SLC6A15: variants seen among roughly 807,000 people sequenced by gnomAD.
SLC6A15 encodes the protein sodium-dependent neutral amino acid transporter B(0)AT2.
In SLC6A15, 33 loss-of-function variants were observed where a neutral mutation model predicts 68.5. That is an observed-to-expected ratio of 0.48 (90% CI 0.37 to 0.64). SLC6A15 has a LOEUF of 0.64. Among genes scored for constraint, SLC6A15 ranks in the 30% least tolerant of loss-of-function variants. SLC6A15 has a pLI of 0.00. For missense variants in SLC6A15, 747 were observed against 874.3 expected (o/e 0.85, Z 1.84); for synonymous variants, 347 against 301.0 (o/e 1.15, Z -1.58).
At chr12:84,877,464 C>G (rs995546763) in intron 5 of SLC6A15, among the ~76,000 whole-genome samples, 3 of 152,116 alleles carry the variant, frequency 2.0e-5, no homozygotes, top group Non-Finnish European at 4.4e-5. Context: ...CTGATTCCAC[C>G]CTCTGGCCTG....
chr12:84,863,935 G>A (rs1870959669), intron 10 of SLC6A15, among the ~76,000 whole-genome samples: 1 of 150,958 alleles, frequency 6.6e-6, no homozygotes, highest in African/African-American at 2.4e-5. Context: ...GAATTATTTA[G>A]AAATTATTTC....
At chr12:84,887,664 A>C (rs11833788) in intron 2 of SLC6A15, among the ~76,000 whole-genome samples, 6,189 of 152,264 alleles carry the variant, frequency 0.041, 404 homozygotes, top group African/African-American at 0.14. Flanking sequence ...ATCTGCATCA[A>C]ATCTTAGATT....
intron 9 of SLC6A15, among the ~76,000 whole-genome samples, chr12:84,869,401 G>A (rs1245610865): frequency 6.9e-6 from 1 of 145,056 alleles, no homozygotes; most frequent in Non-Finnish European, 1.5e-5. Context: ...GGCGGAGCTT[G>A]CAGTGAGCTG....
At chr12:84,887,516 T>G (rs1257443334) in intron 2 of SLC6A15, among the ~76,000 whole-genome samples, 2 of 152,182 alleles carry the variant, frequency 1.3e-5, no homozygotes, top group African/African-American at 4.8e-5. Flanking sequence ...TCTTAGTTGA[T>G]TCTAACAAAA....
Position 84,861,699 on chromosome 12 carries a change from T to C in SLC6A15, c.2126A>G (p.Asn709Ser), listed in dbSNP as rs774422514. The change falls in exon 12 of 12, where the codon AAT becomes AGT. Residue 709 changes from asparagine to serine, a missense_variant. Asn to Ser is a conservative substitution (Grantham distance 46). Coordinates refer to ENST00000266682, the MANE Select transcript of SLC6A15 (RefSeq NM_182767.6). ...SGSPTLDTAP[N>S]GRYGIGYLMA... ...CAAGTACCCTATTCCATACCGTCCA[T>C]TGGGAGCAGTATCCAGAGTTGGGGA... 3.8e-5 allele frequency: 62 copies of C among 1,613,820 alleles called. No individual in the cohort carries two copies. The highest frequency in any genetic ancestry group is 4.8e-5 in the Non-Finnish European group (57 of 1,179,880).
chr12:84,901,282 T>C (rs957414963), intron 1 of SLC6A15, among the ~76,000 whole-genome samples: 1 of 151,700 alleles, frequency 6.6e-6, no homozygotes, highest in African/African-American at 2.4e-5. Flanking sequence ...TTCAATTCAT[T>C]TCATTGATAT....
chr12:84,902,338 T>A (rs1872922881), intron 1 of SLC6A15, among the ~76,000 whole-genome samples: 2 of 151,972 alleles, frequency 1.3e-5, no homozygotes, highest in Non-Finnish European at 2.9e-5. Flanking sequence ...CTAAACTTTG[T>A]TTTTTAAATT....
intron 7 of SLC6A15, 135 bp downstream of exon 7, chr12:84,872,952 A>G: frequency 7.9e-7 from 1 of 1,258,898 alleles, no homozygotes; most frequent in Non-Finnish European, 1.1e-6. Context: ...CCCAGATTTG[A>G]CCATTATACA....
At chr12:84,863,340 A>G (rs546974855) in intron 11 of SLC6A15, 99 bp downstream of exon 11, 2 of 854,044 alleles carry the variant, frequency 2.3e-6, no homozygotes, top group Non-Finnish European at 3.6e-6. Context: ...GCCATTCATT[A>G]AACAGCAAAA....
intron 5 of SLC6A15, chr12:84,881,604 TATGTATATGC>T (rs1438796982): frequency 1.0e-6 from 1 of 985,252 alleles, no homozygotes; most frequent in Non-Finnish European, 1.2e-6. Flanking sequence ...TTTTGGGGTA[TATGTATATGC>T]ATGTATGACT....
chr12:84,893,127 T>C (rs1013764330), intron 1 of SLC6A15, among the ~76,000 whole-genome samples: 9 of 152,164 alleles, frequency 5.9e-5, no homozygotes, highest in African/African-American at 2.2e-4. Context: ...CTTTATGGGA[T>C]ACAATAATCA....
chr12:84,881,578 C>T (rs1412617526), intron 5 of SLC6A15: 4 of 985,278 alleles, frequency 4.1e-6, no homozygotes, highest in Admixed American at 6.2e-5. Flanking sequence ...TTAATTCATG[C>T]AGTTTCCACT....
chr12:84,882,414 T>C, intron 5 of SLC6A15: 1 of 970,052 alleles, frequency 1.0e-6, no homozygotes, highest in African/African-American at 1.8e-5. Context: ...ACAAGTATAT[T>C]CACAAATTCA....
rs749977299 is a variant in SLC6A15 at position 84,885,524 on chromosome 12, A to G, written c.485T>C (p.Ile162Thr). Residue 162 changes from isoleucine (I) to threonine (T), a missense_variant, in exon 4 of 12, where the codon ATT (isoleucine) becomes ACT (threonine). Ile to Thr is a moderately conservative substitution (Grantham distance 89, BLOSUM62 -1). Coordinates refer to ENST00000266682, the MANE Select transcript of SLC6A15 (RefSeq NM_182767.6). Reference protein sequence around the residue: ...YFVALYYNVIIGWSLFYFSQS... With the variant: ...YFVALYYNVITGWSLFYFSQS... ...AGAAAAATAAAACAAACTCCAGCCA[A>G]TGATGACGTTGTAGTAGAGAGCTAC... 1.5e-5 allele frequency: 25 copies of G among 1,613,562 alleles called. No individual in the cohort carries two copies. Among genetic ancestry groups the G allele is most frequent in the Non-Finnish European group, 6.8e-6 (8 of 1,179,696 alleles).
intron 6 of SLC6A15, among the ~76,000 whole-genome samples, chr12:84,874,702 T>C (rs1013638728): frequency 1.3e-5 from 2 of 152,182 alleles, no homozygotes; most frequent in Non-Finnish European, 2.9e-5. Context: ...CATCATATTC[T>C]ATTAAAATAC....
intron 5 of SLC6A15, among the ~76,000 whole-genome samples, chr12:84,880,253 GTC>G (rs934993540): frequency 6.6e-6 from 1 of 152,154 alleles, no homozygotes; most frequent in Non-Finnish European, 1.5e-5. Flanking sequence ...AAAAAGATGT[GTC>G]TTAGGAGTCA....
At chr12:84,902,571 TA>T (rs1254534511) in intron 1 of SLC6A15, among the ~76,000 whole-genome samples, 1 of 151,912 alleles carries the variant, frequency 6.6e-6, no homozygotes, top group Non-Finnish European at 1.5e-5. Context: ...GCTTTACTTA[TA>T]ATAGAAAAAA....
At chr12:84,887,939 C>T (rs577399348) in intron 2 of SLC6A15, among the ~76,000 whole-genome samples, 1 of 151,980 alleles carries the variant, frequency 6.6e-6, no homozygotes, top group South Asian at 2.1e-4. Context: ...GAAAAAGATA[C>T]TTGAGGCTGG....
chr12:84,861,914 G>A lies in SLC6A15; in HGVS notation c.1911C>T (p.Phe637=). 3 of 1,613,950 alleles carry A rather than the reference G, an allele frequency of 1.9e-6. No individual in the cohort carries two copies. The highest frequency in any genetic ancestry group is 2.7e-5 in the African/African-American group (2 of 75,002). Reference sequence around the variant, plus strand: ...CTATAAGGTTGAAGCGACGAACAATGAAAACTACAGGGACTGGGAGTATTG... The same window carrying A: ...CTATAAGGTTGAAGCGACGAACAATAAAAACTACAGGGACTGGGAGTATTG... ...VFAILPVPVV[F]IVRRFNLIDD... The change falls in exon 12 of 12, where the codon TTC becomes TTT. Residue 637 remains phenylalanine, a synonymous_variant. Coordinates refer to ENST00000266682, the MANE Select transcript of SLC6A15 (RefSeq NM_182767.6).
Sources: gnomAD v4.1 joint callset for allele counts (sites outside exome capture counted in the v4.1 genomes callset) on GRCh38, gnomAD v4.1.1 for gene constraint, MANE v1.5 for transcripts, NCBI Gene and HGNC (gene_info 2026-07-23, HGNC 2026-07-21) for gene names.